Variants in HYCC2 observed in about 807,000 individuals in gnomAD.
HYCC2 encodes the protein hyccin 2.
At chr2:201,030,070 C>A in the HYCC2 span, among the ~76,000 whole-genome samples, 1 of 152,234 alleles carries the variant, frequency 6.6e-6, no homozygotes, top group African/African-American at 2.4e-5. Context: ...CTGAGCAACA[C>A]AGTGAGACCC....
chr2:200,975,163 A>AAGAAAACCTAAAATGGAATCTTGTAGCT, the HYCC2 span: 1 of 152,028 alleles, frequency 6.6e-6, no homozygotes, highest in East Asian at 1.9e-4. Context: ...TTATTGACAT[A>AAGAAAACCTAAAATGGAATCTTGTAGCT]AGAAAACCTA....
chr2:200,978,882 T>C, the HYCC2 span: 1 of 152,198 alleles, frequency 6.6e-6, no homozygotes, highest in East Asian at 1.9e-4. Context: ...TGGTATTATG[T>C]GGTATTTCTT....
chr2:201,032,866 G>C, the HYCC2 span, among the ~76,000 whole-genome samples: 1 of 151,940 alleles, frequency 6.6e-6, no homozygotes, highest in African/African-American at 2.4e-5. Context: ...GTCTTACTAT[G>C]TTGCCCAGGC....
chr2:201,035,708 C>G, the HYCC2 span, among the ~76,000 whole-genome samples: 1 of 152,102 alleles, frequency 6.6e-6, no homozygotes, highest in African/African-American at 2.4e-5. Context: ...TTTTTCTGCT[C>G]TGTTTTTTCC....
the HYCC2 span, among the ~76,000 whole-genome samples, chr2:201,026,844 T>C: frequency 6.6e-6 from 1 of 152,192 alleles, no homozygotes; most frequent in Non-Finnish European, 1.5e-5. Context: ...TAGCACTAAA[T>C]GCCCACAAGA....
At chr2:201,027,713 C>A in the HYCC2 span, among the ~76,000 whole-genome samples, 1 of 152,104 alleles carries the variant, frequency 6.6e-6, no homozygotes, top group Admixed American at 6.6e-5. Context: ...AAGACAAAAA[C>A]CACATGATTA....
At chr2:201,016,656 G>A in the HYCC2 span, among the ~76,000 whole-genome samples, 1 of 151,012 alleles carries the variant, frequency 6.6e-6, no homozygotes, top group Admixed American at 6.6e-5. Flanking sequence ...CTGGAGTGCA[G>A]TGGTACAATC....
the HYCC2 span, among the ~76,000 whole-genome samples, chr2:200,992,708 T>A: frequency 2.0e-5 from 3 of 152,222 alleles, no homozygotes; most frequent in Non-Finnish European, 2.9e-5. Context: ...TTTTAATGAC[T>A]AGTTATGTTA....
the HYCC2 span, among the ~76,000 whole-genome samples, chr2:201,069,142 A>G: frequency 6.6e-6 from 1 of 152,220 alleles, no homozygotes; most frequent in Non-Finnish European, 1.5e-5. Context: ...GAAAATTTCA[A>G]TCATTCTAGA....
At chr2:201,070,576 C>T in the HYCC2 span, among the ~76,000 whole-genome samples, 2 of 151,872 alleles carry the variant, frequency 1.3e-5, no homozygotes, top group Admixed American at 6.6e-5. Context: ...GGCTTGAACC[C>T]GGGAGGCGAA....
the HYCC2 span, among the ~76,000 whole-genome samples, chr2:201,045,960 C>T: frequency 6.6e-6 from 1 of 152,064 alleles, no homozygotes; most frequent in Non-Finnish European, 1.5e-5. Context: ...TTCTTTCTCT[C>T]TCTCTCATAC....
At chr2:200,988,169 AG>A in the HYCC2 span, 2 of 1,041,218 alleles carry the variant, frequency 1.9e-6, no homozygotes, top group Non-Finnish European at 2.7e-6. Context: ...TTAATTATAC[AG>A]GGTCTTTTAA....
chr2:201,055,932 T>C, the HYCC2 span, among the ~76,000 whole-genome samples: 9 of 152,226 alleles, frequency 5.9e-5, no homozygotes, highest in Non-Finnish European at 7.4e-5. Context: ...CTCACACCTG[T>C]AATCCCAGCA....
the HYCC2 span, among the ~76,000 whole-genome samples, chr2:200,982,946 T>C: frequency 3.3e-5 from 5 of 152,074 alleles, no homozygotes; most frequent in Admixed American, 2.0e-4. Context: ...TTAGTAGAGA[T>C]GGGATTTCAC....
At chr2:201,038,636 C>G in the HYCC2 span, among the ~76,000 whole-genome samples, 16 of 151,984 alleles carry the variant, frequency 1.1e-4, no homozygotes, top group Non-Finnish European at 1.9e-4. Flanking sequence ...AGCAAACTAT[C>G]GCAAGGACAA....
At chr2:201,022,664 G>A in the HYCC2 span, 1 of 443,594 alleles carries the variant, frequency 2.3e-6, no homozygotes, top group South Asian at 4.5e-5. Context: ...TCAAAATATG[G>A]AAAGGCAGGG....
the HYCC2 span, among the ~76,000 whole-genome samples, chr2:201,046,424 G>A: frequency 6.6e-6 from 1 of 151,770 alleles, no homozygotes; most frequent in East Asian, 1.9e-4. Flanking sequence ...GTTCTGCAGT[G>A]GGGGGGAAGA....
chr2:200,989,630 T>A, the HYCC2 span, among the ~76,000 whole-genome samples: 2 of 152,062 alleles, frequency 1.3e-5, no homozygotes. Context: ...CTGGGCAACA[T>A]GGTGAGATCT....
chr2:201,029,460 C>G, the HYCC2 span, among the ~76,000 whole-genome samples: 14 of 152,270 alleles, frequency 9.2e-5, no homozygotes, highest in African/African-American at 3.4e-4. Context: ...AATCATGCTA[C>G]TATAAAGACA....
Sources: gnomAD v4.1 joint callset for allele counts (sites outside exome capture counted in the v4.1 genomes callset) on GRCh38, gnomAD v4.1.1 for gene constraint, MANE v1.5 for transcripts, NCBI Gene and HGNC (gene_info 2026-07-23, HGNC 2026-07-21) for gene names.